ZYG11B: variants seen among roughly 807,000 people sequenced by gnomAD.
ZYG11B encodes zyg-11 family member B, cell cycle regulator, also known as protein zyg-11 homolog B.
In ZYG11B, 36 loss-of-function variants were observed where a neutral mutation model predicts 82.4. The observed-to-expected ratio is 0.44, with a 90% CI of 0.33 to 0.58. ZYG11B has a LOEUF of 0.58. ZYG11B is among the 20% of genes least tolerant of loss of function. ZYG11B has a pLI of 0.02. For synonymous variants in ZYG11B, 303 were observed against 312.8 expected (o/e 0.97, Z 0.33); for missense variants, 552 against 895.6 (o/e 0.62, Z 4.90).
chr1:52,825,522 C>T lies in ZYG11B; in HGVS notation c.*3893C>T, dbSNP rs1311741260. On this transcript the variant is annotated 3_prime_UTR_variant, in exon 14 of 14. Transcript: ENST00000294353. ...TTGCTTTCGTGATATATTTCATTTG[C>T]AAACTTCTACATAATCAAGTTTTAT... The T allele has an allele frequency of 6.6e-6, 1 of 152,034 alleles. No individual in the cohort carries two copies. The highest frequency in any genetic ancestry group is 1.5e-5 in the Non-Finnish European group (1 of 68,018). 9.4% of individuals were successfully genotyped at this position (152,034 alleles called of 1,614,324 possible).
rs2149948125 is a variant in ZYG11B at position 52,784,910 on chromosome 1, A to T, written c.1126A>T (p.Asn376Tyr). 6.2e-7 allele frequency: 1 copy of T among 1,613,902 alleles called. No homozygotes were observed. The highest frequency in any genetic ancestry group is 2.2e-5 in the East Asian group (1 of 44,874). ...VVTGMRNHPM[N>Y]LPVQLAASAC... ...TACTGGGATGAGAAACCACCCTATGAATTTGCCAGTGCAACTGGCTGCAAG... is the reference window on the plus strand; with the variant it reads ...TACTGGGATGAGAAACCACCCTATGTATTTGCCAGTGCAACTGGCTGCAAG... Residue 376 changes from asparagine (N) to tyrosine (Y), a missense_variant, in exon 5 of 14, where the codon AAT (asparagine) becomes TAT (tyrosine). Asn to Tyr is a moderately radical substitution (Grantham distance 143). Coordinates refer to ENST00000294353, the MANE Select transcript of ZYG11B (RefSeq NM_024646.3).
At chr1:52,795,695 T>C (rs1645001164) in intron 6 of ZYG11B, among the ~76,000 whole-genome samples, 1 of 152,196 alleles carries the variant, frequency 6.6e-6, no homozygotes, top group African/African-American at 2.4e-5. Flanking sequence ...ACATAAAATT[T>C]CAACATTTCA....
chr1:52,783,884 A>ATATACATC lies in ZYG11B; in HGVS notation c.1093-992_1093-991insATACATCT, dbSNP rs1285955622. 3.7e-4 allele frequency among the ~76,000 whole-genome samples: 52 copies of ATATACATC among 140,788 alleles called. No homozygotes were observed. In the East Asian group the frequency reaches 5.5e-3, roughly 15 times the overall value. The allele number at this position is 140,788 out of a possible 152,430, so 92.4% of individuals were successfully genotyped here. On this transcript the variant is annotated intron_variant, in intron 4 of 13. Transcript: ENST00000294353. ...TGTATGTACATACACGTGTGTGTAT[A>ATATACATC]TGTACATACACGTGTGTGTATATAC...
At chr1:52,743,091 G>C (rs1041939389) in intron 1 of ZYG11B, among the ~76,000 whole-genome samples, 1 of 151,838 alleles carries the variant, frequency 6.6e-6, no homozygotes, top group Non-Finnish European at 1.5e-5. Context: ...CCATGATGAC[G>C]ATGGCGGTTT....
rs557660507 is a variant in ZYG11B at position 52,804,387 on chromosome 1, C to T, written c.1695+2248C>T. On this transcript the variant is annotated intron_variant, in intron 10 of 13. Coordinates refer to ENST00000294353, the MANE Select transcript of ZYG11B (RefSeq NM_024646.3). ...CAGCACTTTGGGAGGGTGAGGCAGG[C>T]GGGTCACCTGAGGTCAGGAGTTTGA... Among the ~76,000 whole-genome samples the T allele has an allele frequency of 4.6e-5, 7 of 151,628 alleles. No individual in the cohort carries two copies. In the East Asian group the frequency reaches 5.9e-4, roughly 13 times the overall value.
Position 52,822,199 on chromosome 1 carries a change from G to A in ZYG11B, c.*570G>A, listed in dbSNP as rs182526652. 1 of 152,324 alleles carries A rather than the reference G, an allele frequency of 6.6e-6. No individual in the cohort carries two copies. The highest frequency in any genetic ancestry group is 1.9e-4 in the East Asian group (1 of 5,184). 9.4% of individuals were successfully genotyped at this position (152,324 alleles called of 1,614,324 possible). On this transcript the variant is annotated 3_prime_UTR_variant, in exon 14 of 14. Transcript: ENST00000294353. ...ATATATGAGAAAGAAAAATTATGAA[G>A]GTAGAACAGAGTGTAGGAACTGGGA...
chr1:52,774,038 C>G (rs1399930503), intron 3 of ZYG11B, among the ~76,000 whole-genome samples: 1 of 151,942 alleles, frequency 6.6e-6, no homozygotes, highest in South Asian at 2.1e-4. Flanking sequence ...CGTGCAAAGA[C>G]TGCGTTAGGA....
At chr1:52,763,588 A>G (rs1473814524) in intron 2 of ZYG11B, among the ~76,000 whole-genome samples, 1 of 151,962 alleles carries the variant, frequency 6.6e-6, no homozygotes, top group Non-Finnish European at 1.5e-5. Flanking sequence ...CCAAAGTACT[A>G]GTATTATAGT....
intron 8 of ZYG11B, among the ~76,000 whole-genome samples, chr1:52,799,795 A>T (rs1351205479): frequency 1.3e-5 from 2 of 152,056 alleles, no homozygotes; most frequent in African/African-American, 2.4e-5. Flanking sequence ...ACTCCGTCTC[A>T]AAAAAAGAAG....
At chr1:52,779,284 G>T (rs566978152) in intron 3 of ZYG11B, among the ~76,000 whole-genome samples, 34 of 152,258 alleles carry the variant, frequency 2.2e-4, no homozygotes, top group Non-Finnish European at 4.0e-4. Context: ...CCTTATAATA[G>T]TGTTAAATAT....
intron 3 of ZYG11B, among the ~76,000 whole-genome samples, chr1:52,777,871 C>G (rs61771060): frequency 6.6e-6 from 1 of 152,164 alleles, no homozygotes; most frequent in Admixed American, 6.5e-5. Context: ...ATGAGATAGT[C>G]GCTCTGAATG....
intron 1 of ZYG11B, among the ~76,000 whole-genome samples, chr1:52,734,420 T>C (rs576064408): frequency 2.8e-5 from 4 of 144,586 alleles, no homozygotes; most frequent in African/African-American, 1.0e-4. Flanking sequence ...AAATAGTCAT[T>C]ATTAACAATG....
chr1:52,732,788 A>G (rs7517052), intron 1 of ZYG11B, among the ~76,000 whole-genome samples: 77,210 of 151,256 alleles, frequency 0.51, 19,883 homozygotes, highest in East Asian at 0.64. Context: ...ACCCTGGCCA[A>G]TGTGGTGAAA....
intron 1 of ZYG11B, among the ~76,000 whole-genome samples, chr1:52,727,164 A>G (rs1334299001): frequency 4.0e-5 from 6 of 149,098 alleles, no homozygotes; most frequent in Admixed American, 1.3e-4. Flanking sequence ...GTCCTCTTCC[A>G]TCCACGTTTC....
chr1:52,801,292 C>CTT (rs71579949), intron 8 of ZYG11B, among the ~76,000 whole-genome samples: 2 of 151,800 alleles, frequency 1.3e-5, no homozygotes, highest in African/African-American at 4.8e-5. Flanking sequence ...TTTTTCCTTT[C>CTT]TTTTTTTTCT....
intron 1 of ZYG11B, among the ~76,000 whole-genome samples, chr1:52,732,866 C>T (rs1488648491): frequency 6.6e-6 from 1 of 152,032 alleles, no homozygotes; most frequent in Non-Finnish European, 1.5e-5. Flanking sequence ...CCCAGCTACT[C>T]CGGAGGCTGA....
chr1:52,780,034 T>C (rs1451579738), intron 4 of ZYG11B, 41 bp downstream of exon 4: 1 of 1,557,284 alleles, frequency 6.4e-7, no homozygotes, highest in Non-Finnish European at 8.7e-7. Context: ...TGAAATGATC[T>C]CCCTGGGCAG....
At chr1:52,814,148 G>A (rs1330766713) in intron 12 of ZYG11B, among the ~76,000 whole-genome samples, 1 of 152,112 alleles carries the variant, frequency 6.6e-6, no homozygotes, top group Non-Finnish European at 1.5e-5. Context: ...AGCCTCCCGA[G>A]TAGCTGGGAT....
chr1:52,731,188 G>A (rs1176275138), intron 1 of ZYG11B, among the ~76,000 whole-genome samples: 3 of 151,200 alleles, frequency 2.0e-5, no homozygotes, highest in Admixed American at 2.0e-4. Context: ...CAGGAGAATT[G>A]CTTGAACCCG....
Sources: gnomAD v4.1 joint callset for allele counts (sites outside exome capture counted in the v4.1 genomes callset) on GRCh38, gnomAD v4.1.1 for gene constraint, MANE v1.5 for transcripts, NCBI Gene and HGNC (gene_info 2026-07-23, HGNC 2026-07-21) for gene names.